The following DCUN1D2 variants were observed in gnomAD, a reference collection of about 807,000 sequenced individuals.
The protein encoded by DCUN1D2 is DCN1-like protein 2.
DCUN1D2 carries 29 observed loss-of-function variants against 30.9 expected under a neutral mutation model. The ratio of observed to expected loss-of-function variants is 0.94; its 90% CI spans 0.70 to 1.28. The LOEUF is 1.28. DCUN1D2 is among the 50% of genes most tolerant of loss of function. DCUN1D2 has a pLI of 0.00. For synonymous variants in DCUN1D2, 121 were observed against 115.3 expected (o/e 1.05, Z -0.32); for missense variants, 325 against 316.9 (o/e 1.03, Z -0.19).
chr13:113,484,131 A>C, intron 1 of DCUN1D2, 75 bp from the exon 2 acceptor site: 1 of 1,589,852 alleles, frequency 6.3e-7, no homozygotes, highest in East Asian at 2.2e-5. Flanking sequence ...TAACGCCTGC[A>C]CTTTAACTGG....
upstream of DCUN1D2, among the ~76,000 whole-genome samples, chr13:113,491,470 C>T (rs1024708213): frequency 3.3e-5 from 5 of 149,980 alleles, no homozygotes; most frequent in Admixed American, 6.6e-5. Flanking sequence ...CCCTTCTTCC[C>T]TTCCCAGGGG....
chr13:113,463,319 T>C (rs111912480), intron 4 of DCUN1D2, among the ~76,000 whole-genome samples: 13 of 152,326 alleles, frequency 8.5e-5, no homozygotes, highest in African/African-American at 3.1e-4. Flanking sequence ...ACAATGAAGA[T>C]GTGTCCTCTA....
chr13:113,471,124 GGACCCAACTCCACAGAA>G (rs1188790739), intron 4 of DCUN1D2, among the ~76,000 whole-genome samples: 34 of 136,184 alleles, frequency 2.5e-4, no homozygotes, highest in Admixed American at 1.6e-3. Context: ...ACTCCACAGG[GGACCCAACTCCACAGAA>G]GACCCAACTC....
chr13:113,481,833 A>G (rs571447632), intron 2 of DCUN1D2, among the ~76,000 whole-genome samples: 41 of 151,802 alleles, frequency 2.7e-4, no homozygotes, highest in African/African-American at 8.2e-4. Context: ...GCAGTGAGCC[A>G]AGATCATGCC....
intron 3 of DCUN1D2, chr13:113,480,357 A>G (rs2044686988): frequency 2.3e-6 from 1 of 431,150 alleles, no homozygotes; most frequent in South Asian, 4.8e-5. Flanking sequence ...AGGGATTAAT[A>G]TGAAAAAAAT....
chr13:113,484,452 A>G (rs2044766620), intron 1 of DCUN1D2, among the ~76,000 whole-genome samples: 1 of 152,188 alleles, frequency 6.6e-6, no homozygotes, highest in East Asian at 1.9e-4. Context: ...AATAAAGTTC[A>G]GGCTTTAATG....
chr13:113,457,958 C>T lies in DCUN1D2; in HGVS notation c.*71G>A, dbSNP rs2044252344. ...ACTTCTGGAATCAGCGACAATGCAC[C>T]CAGGAACTGACTGCAATCTCCTTGC... On this transcript the variant is annotated 3_prime_UTR_variant, in exon 7 of 7. Transcript: ENST00000478244. 1.4e-6 allele frequency: 2 copies of T among 1,382,338 alleles called. No individual in the cohort carries two copies. The highest frequency in any genetic ancestry group is 2.3e-5 in the East Asian group (1 of 43,710). The allele number at this position is 1,382,338 out of a possible 1,614,324, so 85.6% of individuals were successfully genotyped here.
chr13:113,479,725 A>AAAAC (rs199885745), intron 3 of DCUN1D2, among the ~76,000 whole-genome samples: 14 of 152,348 alleles, frequency 9.2e-5, no homozygotes, highest in Middle Eastern at 3.4e-3. Context: ...TCCATCTCAA[A>AAAAC]AAACAAACAA....
intron 3 of DCUN1D2, among the ~76,000 whole-genome samples, chr13:113,477,915 T>C (rs1292963015): frequency 6.6e-6 from 1 of 152,214 alleles, no homozygotes; most frequent in Non-Finnish European, 1.5e-5. Flanking sequence ...TGCTAATGAC[T>C]GGTCAGTTTC....
chr13:113,471,698 T>C (rs2044518444), intron 4 of DCUN1D2, among the ~76,000 whole-genome samples: 2 of 152,204 alleles, frequency 1.3e-5, no homozygotes. Context: ...GATTGGCTTA[T>C]CATCATTCTG....
At chr13:113,473,187 C>T (rs979564759) in intron 4 of DCUN1D2, among the ~76,000 whole-genome samples, 1 of 151,120 alleles carries the variant, frequency 6.6e-6, no homozygotes, top group Non-Finnish European at 1.5e-5. Context: ...CCCTCTGTCC[C>T]GTGTCTCTGC....
Position 113,457,803 on chromosome 13 carries a change from G to A in DCUN1D2, c.*226C>T. The A allele has an allele frequency of 1.9e-6, 1 of 522,930 alleles. No individual in the cohort carries two copies. The highest frequency in any genetic ancestry group is 3.5e-6 in the Non-Finnish European group (1 of 289,600). The allele number at this position is 522,930 out of a possible 1,614,324, so 32.4% of individuals were successfully genotyped here. ...AGAAATTTCCTAACGCAAAAGCTAT[G>A]ATGACAAATCTCCAAACATCCCAAA... On this transcript the variant is annotated 3_prime_UTR_variant, in exon 7 of 7. Transcript: ENST00000478244.
intron 4 of DCUN1D2, among the ~76,000 whole-genome samples, chr13:113,470,464 G>A: frequency 6.6e-6 from 1 of 152,172 alleles, no homozygotes; most frequent in South Asian, 2.1e-4. Context: ...ATGAAGTACA[G>A]ATAAAAAGGA....
chr13:113,490,493 A>T lies in DCUN1D2; in HGVS notation c.3+174T>A. 1.5e-6 allele frequency: 1 copy of T among 680,054 alleles called. No individual in the cohort carries two copies. The highest frequency in any genetic ancestry group is 2.1e-6 in the Non-Finnish European group (1 of 485,768). 42.1% of individuals were successfully genotyped at this position (680,054 alleles called of 1,614,324 possible). On this transcript the variant is annotated intron_variant, in intron 1 of 6. Coordinates refer to ENST00000478244, the MANE Select transcript of DCUN1D2 (RefSeq NM_001014283.2). This position sits in a 1 kb window ranked among gnomAD's most constrained non-coding sequence, Gnocchi z 5.2. ...CGCTCCCCGCGGTCCCGCGCCTCCGACGCCACCGCTCCGGCTCGCGGGCCC... is the reference window on the plus strand; with the variant it reads ...CGCTCCCCGCGGTCCCGCGCCTCCGTCGCCACCGCTCCGGCTCGCGGGCCC...
Position 113,456,466 on chromosome 13 carries a change from T to C in DCUN1D2, c.*1563A>G. On this transcript the variant is annotated 3_prime_UTR_variant, in exon 7 of 7. Coordinates refer to ENST00000478244, the MANE Select transcript of DCUN1D2 (RefSeq NM_001014283.2). ...AGCTGCTTGTCTGGGCCATGCTCTC[T>C]CACACCGCAGCTAGGTCATCTGCGG... 2.5e-6 allele frequency: 1 copy of C among 398,510 alleles called. No homozygotes were observed. The highest frequency in any genetic ancestry group is 4.4e-6 in the Non-Finnish European group (1 of 226,196). The allele number at this position is 398,510 out of a possible 1,614,324, so 24.7% of individuals were successfully genotyped here. A position where few individuals can be genotyped will look rare whatever the true frequency, so the allele number is the denominator to read the frequency against.
Position 113,489,322 on chromosome 13 carries a change from A to G in DCUN1D2, c.3+1345T>C, listed in dbSNP as rs530885201. 460 of 198,994 alleles carry G rather than the reference A, an allele frequency of 2.3e-3. 3 individuals are homozygous for G. The highest frequency in any genetic ancestry group is 0.01 in the African/African-American group (424 of 42,348). The allele number at this position is 198,994 out of a possible 1,614,324, so 12.3% of individuals were successfully genotyped here. ...CTGCCCCTGTCCTCCTAAAAGCTGG[A>G]GCAAGCTATCTCTACCTGCCCAGGT... On this transcript the variant is annotated intron_variant, in intron 1 of 6. Transcript: ENST00000478244.
At chr13:113,482,892 G>A (rs562374482) in intron 2 of DCUN1D2, among the ~76,000 whole-genome samples, 9 of 152,148 alleles carry the variant, frequency 5.9e-5, no homozygotes, top group Admixed American at 5.9e-4. Flanking sequence ...GCAGTGAGCC[G>A]AGATCATACC....
chr13:113,470,188 G>C (rs553193756), intron 4 of DCUN1D2, among the ~76,000 whole-genome samples: 1 of 152,322 alleles, frequency 6.6e-6, no homozygotes, highest in African/African-American at 2.4e-5. Context: ...TCACCACCGT[G>C]TTACGGTTGC....
intron 3 of DCUN1D2, among the ~76,000 whole-genome samples, chr13:113,474,725 G>A (rs757783774): frequency 3.3e-5 from 5 of 152,152 alleles, no homozygotes; most frequent in Admixed American, 6.5e-5. Context: ...TGGCAGAGAC[G>A]AGGTAATGGA....
Sources: gnomAD v4.1 joint callset for allele counts (sites outside exome capture counted in the v4.1 genomes callset) on GRCh38, gnomAD v4.1.1 for gene constraint, Gnocchi (gnomAD v3.1) non-coding constraint, MANE v1.5 for transcripts, NCBI Gene and HGNC (gene_info 2026-07-23, HGNC 2026-07-21) for gene names.